Variants in MORC3 observed in about 807,000 individuals in gnomAD.
MORC3 encodes MORC family CW-type zinc finger 3, also known as MORC family CW-type zinc finger protein 3.
Under a neutral mutation model 109.1 loss-of-function variants are expected in MORC3, and 31 were observed. The observed-to-expected ratio is 0.28, with a 90% CI of 0.21 to 0.38. MORC3 has a LOEUF of 0.38. MORC3 is among the 10% of genes least tolerant of loss of function. The pLI is 1.00. For missense variants in MORC3, 867 were observed against 1,135.8 expected (o/e 0.76, Z 3.40); for synonymous variants, 395 against 380.7 (o/e 1.04, Z -0.44).
intron 16 of MORC3, among the ~76,000 whole-genome samples, chr21:36,372,898 C>G (rs1341648396): frequency 6.6e-6 from 1 of 152,144 alleles, no homozygotes; most frequent in Non-Finnish European, 1.5e-5. Context: ...CTCCTTCAAC[C>G]TGTTTTTCTT....
At chr21:36,320,380 C>T (rs991606932) in intron 1 of MORC3, 77 bp downstream of exon 1, 2 of 1,204,426 alleles carry the variant, frequency 1.7e-6, no homozygotes, top group Non-Finnish European at 1.0e-6. Context: ...CGGCAGTGGG[C>T]GGTGGCGGCT....
intron 13 of MORC3, among the ~76,000 whole-genome samples, chr21:36,362,579 G>C (rs1198376012): frequency 6.6e-6 from 1 of 151,826 alleles, no homozygotes; most frequent in African/African-American, 2.4e-5. Flanking sequence ...GTCTCACTGT[G>C]TTGACCAGGC....
At chr21:36,340,952 C>A (rs1230772722) in intron 5 of MORC3, among the ~76,000 whole-genome samples, 2 of 152,074 alleles carry the variant, frequency 1.3e-5, no homozygotes, top group Non-Finnish European at 2.9e-5. Flanking sequence ...GCACTTTTTT[C>A]TTGCTGAGTA....
Position 36,320,243 on chromosome 21 carries a change from C to CTGGCT in MORC3, c.-20_-16dup, listed in dbSNP as rs1569083816. 6.3e-7 allele frequency: 1 copy of CTGGCT among 1,578,664 alleles called. No individual in the cohort carries two copies. The highest frequency in any genetic ancestry group is 1.8e-5 in the Admixed American group (1 of 54,330). On this transcript the variant is annotated 5_prime_UTR_variant, in exon 1 of 17. Coordinates refer to ENST00000400485, the MANE Select transcript of MORC3 (RefSeq NM_015358.3). Reference sequence around the variant, plus strand: ...AGTCGGGTTGCGGCGGAGGCCGTTCCTGGCTTTGTAGCTCGCTCAAGATGG... The same window carrying CTGGCT: ...AGTCGGGTTGCGGCGGAGGCCGTTCCTGGCTTGGCTTTGTAGCTCGCTCAAGATGG...
At chr21:36,337,617 G>T in intron 3 of MORC3, 115 bp from the exon 4 acceptor site, 1 of 703,262 alleles carries the variant, frequency 1.4e-6, no homozygotes, top group South Asian at 3.4e-5. Flanking sequence ...TTGAACCCAG[G>T]CTTTTTACTT....
intron 8 of MORC3, 60 bp downstream of exon 8, chr21:36,345,091 A>G: frequency 6.8e-7 from 1 of 1,471,788 alleles, no homozygotes. Flanking sequence ...TTAGGATAAT[A>G]TATGCTCTTG....
At chr21:36,337,038 T>A (rs2085382015) in intron 3 of MORC3, 32 bp downstream of exon 3, 1 of 1,597,256 alleles carries the variant, frequency 6.3e-7, no homozygotes, top group Non-Finnish European at 8.5e-7. Context: ...TTCTTAAAAT[T>A]GTTGCTTTTA....
intron 5 of MORC3, chr21:36,339,380 A>G (rs1307806917): frequency 6.5e-6 from 1 of 152,698 alleles, no homozygotes; most frequent in South Asian, 2.1e-4. Context: ...TGGCCTCCCA[A>G]AGTGCTGGGA....
intron 9 of MORC3, among the ~76,000 whole-genome samples, chr21:36,350,732 T>C (rs1396670000): frequency 6.6e-6 from 1 of 152,140 alleles, no homozygotes; most frequent in Non-Finnish European, 1.5e-5. Context: ...TTTTCTCCAT[T>C]TTAGATGACG....
intron 1 of MORC3, 21 bp from the exon 2 acceptor site, chr21:36,333,625 T>C (rs2085339319): frequency 6.3e-7 from 1 of 1,591,916 alleles, no homozygotes. Flanking sequence ...TTAATTTACA[T>C]GGACCTTTTG....
At chr21:36,363,446 C>A (rs1361760655) in intron 13 of MORC3, among the ~76,000 whole-genome samples, 2 of 152,026 alleles carry the variant, frequency 1.3e-5, no homozygotes, top group South Asian at 2.1e-4. Flanking sequence ...ATATTGTTAT[C>A]AAAAATGCAT....
chr21:36,354,872 CTGTT>C (rs1224158092), intron 9 of MORC3, among the ~76,000 whole-genome samples: 1 of 152,224 alleles, frequency 6.6e-6, no homozygotes, highest in Non-Finnish European at 1.5e-5. Context: ...GGTGTGGTGT[CTGTT>C]CGCTCTTGAA....
At chr21:36,370,660 T>C (rs1264532448) in intron 15 of MORC3, among the ~76,000 whole-genome samples, 82 of 115,956 alleles carry the variant, frequency 7.1e-4, no homozygotes, top group Non-Finnish European at 1.1e-3. Context: ...TTTTTTTTTT[T>C]TTTTTTTTTT....
At chr21:36,355,139 A>G (rs1225632531) in intron 9 of MORC3, among the ~76,000 whole-genome samples, 3 of 152,162 alleles carry the variant, frequency 2.0e-5, no homozygotes, top group African/African-American at 4.8e-5. Flanking sequence ...CACAGCGTTA[A>G]CAATCTTTTC....
intron 1 of MORC3, among the ~76,000 whole-genome samples, chr21:36,327,570 CAAAG>C (rs1449785120): frequency 6.6e-6 from 1 of 151,118 alleles, no homozygotes; most frequent in Non-Finnish European, 1.5e-5. Flanking sequence ...AAAGCAGAAA[CAAAG>C]AACAAAAAGC....
Position 36,360,093 on chromosome 21 carries a change from T to C in MORC3, c.1331+16T>C. 6.2e-7 allele frequency: 1 copy of C among 1,614,186 alleles called. No individual in the cohort carries two copies. The highest frequency in any genetic ancestry group is 1.3e-5 in the African/African-American group (1 of 75,062). On this transcript the variant is annotated intron_variant, in intron 11 of 16. Transcript: ENST00000400485. ...CACAGTTCAGGTACCATAGAGTTGG[T>C]AGTACCCTTTTTGGAAAGACGGAAA...
chr21:36,364,807 T>C (rs1286730738), intron 14 of MORC3, among the ~76,000 whole-genome samples: 1 of 150,756 alleles, frequency 6.6e-6, no homozygotes, highest in African/African-American at 2.4e-5. Flanking sequence ...ATCCCAGCAC[T>C]TTGGGAGGCC....
intron 9 of MORC3, among the ~76,000 whole-genome samples, chr21:36,354,693 C>T (rs1016409955): frequency 6.6e-6 from 1 of 152,186 alleles, no homozygotes; most frequent in African/African-American, 2.4e-5. Context: ...TAGAAGTGTC[C>T]ATGTTGTAAA....
At position 36,375,772 on chromosome 21, in the gene MORC3, C is replaced by T. The variant is rs1227564186; in HGVS notation, c.*476C>T. On this transcript the variant is annotated 3_prime_UTR_variant, in exon 17 of 17. Transcript: ENST00000400485. ...AAATAATGTAGTAACACTCCTGATACAACTCTGGTTATAAGTGAATTGAGC... is the reference window on the plus strand; with the variant it reads ...AAATAATGTAGTAACACTCCTGATATAACTCTGGTTATAAGTGAATTGAGC... 6.5e-6 allele frequency: 1 copy of T among 152,730 alleles called. No individual in the cohort carries two copies. Among genetic ancestry groups the T allele is most frequent in the Admixed American group, 6.5e-5 (1 of 15,286 alleles). 9.5% of individuals were successfully genotyped at this position (152,730 alleles called of 1,614,324 possible).
Sources: gnomAD v4.1 joint callset for allele counts (sites outside exome capture counted in the v4.1 genomes callset) on GRCh38, gnomAD v4.1.1 for gene constraint, MANE v1.5 for transcripts, NCBI Gene and HGNC (gene_info 2026-07-23, HGNC 2026-07-21) for gene names.